The following WNK2 variants were observed in gnomAD, a reference collection of about 807,000 sequenced individuals.
WNK2 encodes the protein WNK lysine deficient protein kinase 2.
Under a neutral mutation model 192.1 loss-of-function variants are expected in WNK2, and 67 were observed. That is an observed-to-expected ratio of 0.35 (90% CI 0.29 to 0.43). WNK2 has a LOEUF of 0.43. Among genes scored for constraint, WNK2 ranks in the 20% least tolerant of loss-of-function variants. The probability of loss-of-function intolerance (pLI) is 1.00; values close to 1 mark genes in which losing one functional copy is unlikely to be tolerated. For synonymous variants in WNK2, 1,439 were observed against 1,393.9 expected, an observed-to-expected ratio of 1.03 and a Z score of -0.72; for missense variants, 2,698 against 3,089.7, an observed-to-expected ratio of 0.87 and a Z score of 3.01.
At chr9:93,260,815 C>T (rs1396314581) in intron 12 of WNK2, among the ~76,000 whole-genome samples, 2 of 152,198 alleles carry the variant, frequency 1.3e-5, no homozygotes, top group Non-Finnish European at 2.9e-5. Context: ...AGCTCAGAGC[C>T]CGCTGGTTTG....
At chr9:93,220,371 G>A (rs1032684793) in intron 2 of WNK2, among the ~76,000 whole-genome samples, 9 of 152,184 alleles carry the variant, frequency 5.9e-5, no homozygotes, top group African/African-American at 2.2e-4. Context: ...GGACATGGTA[G>A]GAAGGGGCCG....
At chr9:93,310,969 T>A (rs983195274) in intron 28 of WNK2, among the ~76,000 whole-genome samples, 10 of 152,110 alleles carry the variant, frequency 6.6e-5, no homozygotes, top group African/African-American at 2.4e-4. Flanking sequence ...GTCTCAAAAA[T>A]AAATAAATTC....
intron 2 of WNK2, among the ~76,000 whole-genome samples, chr9:93,215,071 G>A (rs556821143): frequency 6.6e-6 from 1 of 151,378 alleles, no homozygotes; most frequent in Non-Finnish European, 1.5e-5. Context: ...TGTAGAGATG[G>A]GGTCTCACTA....
In WNK2 at chr9:93,300,057, C is replaced by A; in HGVS notation, c.6122C>A (p.Thr2041Lys). The A allele has an allele frequency of 2.5e-6, 4 of 1,613,074 alleles. No individual in the cohort carries two copies. Among genetic ancestry groups the A allele is most frequent in the Non-Finnish European group, 3.4e-6 (4 of 1,179,584 alleles). The change falls in exon 26 of 30, where the codon ACG becomes AAG. Residue 2041 changes from threonine to lysine, a missense_variant. Coordinates refer to ENST00000427277, the MANE Select transcript of WNK2 (RefSeq NM_006648.4). Reference protein sequence around the residue: ...DGGGARGQGWTVYHPTSERVT... With the variant: ...DGGGARGQGWKVYHPTSERVT... Reference sequence around the variant, plus strand: ...CCTTTATATTCATTTGCAGGCTGGACGGTTTACCACCCAACGTCTGAGAGA... The same window carrying A: ...CCTTTATATTCATTTGCAGGCTGGAAGGTTTACCACCCAACGTCTGAGAGA...
chr9:93,318,849 C>T, intron 29 of WNK2: 1 of 1,400,186 alleles, frequency 7.1e-7, no homozygotes, highest in South Asian at 1.7e-5. Flanking sequence ...AGGCCCCAGC[C>T]TCCTCCACCT....
intron 19 of WNK2, among the ~76,000 whole-genome samples, chr9:93,280,375 C>T (rs936320554): frequency 2.6e-5 from 4 of 152,100 alleles, no homozygotes; most frequent in Admixed American, 6.5e-5. Context: ...CATGTGTTGG[C>T]GAGGCCATGG....
chr9:93,191,802 A>T (rs970685191), intron 2 of WNK2, among the ~76,000 whole-genome samples: 2 of 151,792 alleles, frequency 1.3e-5, no homozygotes, highest in Non-Finnish European at 2.9e-5. Flanking sequence ...AGACGGGTGG[A>T]TCATTTGAGG....
intron 16 of WNK2, among the ~76,000 whole-genome samples, chr9:93,265,562 C>T (rs528478800): frequency 2.6e-5 from 4 of 152,380 alleles, no homozygotes; most frequent in South Asian, 2.1e-4. Flanking sequence ...AACACCAGGT[C>T]CTCACTGGGC....
chr9:93,276,247 G>A (rs1280343286), intron 19 of WNK2, among the ~76,000 whole-genome samples: 1 of 152,140 alleles, frequency 6.6e-6, no homozygotes, highest in Non-Finnish European at 1.5e-5. Flanking sequence ...AAAGGGATTG[G>A]TACACACATC....
intron 6 of WNK2, among the ~76,000 whole-genome samples, chr9:93,238,825 C>T (rs1206123977): frequency 1.3e-5 from 2 of 152,150 alleles, no homozygotes; most frequent in South Asian, 2.1e-4. Flanking sequence ...TCCACAAAGC[C>T]GGCTCCCCAC....
At chr9:93,211,727 T>G (rs914356120) in intron 2 of WNK2, among the ~76,000 whole-genome samples, 1 of 151,966 alleles carries the variant, frequency 6.6e-6, no homozygotes, top group African/African-American at 2.4e-5. Context: ...ACTCATTCAC[T>G]TACTCATCCA....
At chr9:93,256,805 T>C (rs925193350) in intron 10 of WNK2, 143 bp from the exon 11 acceptor site, 86 of 778,052 alleles carry the variant, frequency 1.1e-4, no homozygotes, top group Non-Finnish European at 1.6e-4. Context: ...ACTGTGCAAG[T>C]GTGTGTGTGC....
rs755973305 is a variant in WNK2 at position 93,257,002 on chromosome 9, G to A, written c.2245G>A (p.Val749Met). Residue 749 changes from valine to methionine, a missense_variant, in exon 11 of 30, where the codon GTG becomes ATG. Physicochemically the swap from Val to Met is conservative, Grantham distance 21. Coordinates refer to ENST00000427277, the MANE Select transcript of WNK2 (RefSeq NM_006648.4). The surrounding 1 kb of genome is among the most constrained non-coding windows in gnomAD (Gnocchi z 4.7). The part of the protein sequence containing the change: ...PLPQVLAPQP[V>M]VPLQPVPPHL... ...GCCGCAGGTCCTGGCCCCACAGCCC[G>A]TGGTCCCCCTCCAGCCGGTTCCCCC... 3.1e-6 allele frequency: 5 copies of A among 1,599,832 alleles called. No homozygotes were observed. The highest frequency in any genetic ancestry group is 2.2e-5 in the South Asian group (2 of 89,880).
intron 7 of WNK2, among the ~76,000 whole-genome samples, chr9:93,246,334 C>T (rs1479394331): frequency 6.6e-6 from 1 of 152,190 alleles, no homozygotes; most frequent in Admixed American, 6.6e-5. Flanking sequence ...GCATTCCTGT[C>T]CTGGCCGAGC....
chr9:93,284,057 G>A (rs1848097576), intron 19 of WNK2, among the ~76,000 whole-genome samples: 1 of 152,226 alleles, frequency 6.6e-6, no homozygotes, highest in African/African-American at 2.4e-5. Context: ...ATCTCAGTGA[G>A]TGTCAACACA....
chr9:93,265,244 C>T lies in WNK2; in HGVS notation c.3696+1211C>T, dbSNP rs558240915. On this transcript the variant is annotated intron_variant, in intron 16 of 29. Coordinates refer to ENST00000427277, the MANE Select transcript of WNK2 (RefSeq NM_006648.4). ...AGCAGAGACCACAGGGGATTGGTAG[C>T]AGAGGAGCAGTGTGGTGATGGGTGG... Among the ~76,000 whole-genome samples, 6 of 152,326 alleles carry T rather than the reference C, an allele frequency of 3.9e-5. No homozygotes were observed. In the East Asian group the frequency reaches 1.2e-3, roughly 29 times the overall value.
At chr9:93,265,953 T>C (rs1182322966) in intron 16 of WNK2, among the ~76,000 whole-genome samples, 1 of 152,384 alleles carries the variant, frequency 6.6e-6, no homozygotes, top group Non-Finnish European at 1.5e-5. Context: ...GCCTTGTTTT[T>C]TTCACTCAGC....
In WNK2 at chr9:93,317,628, C is replaced by T. The variant is rs758837965; in HGVS notation, c.6625C>T (p.Pro2209Ser). The T allele has an allele frequency of 2.5e-6, 4 of 1,612,762 alleles. No homozygotes were observed. Among genetic ancestry groups the T allele is most frequent in the South Asian group, 1.1e-5 (1 of 91,044 alleles). ...CGCCCCGACCCTGTCCGTGCCCACA[C>T]CAGGTACTGCCCTCTCCAACCTCCC... ...GAAPTLSVPT[P>S]DPESEKPD The change falls in exon 29 of 30, where the codon CCA becomes TCA. Residue 2209 changes from proline (P) to serine (S), a missense_variant. Physicochemically the swap from Pro to Ser is moderately conservative, Grantham distance 74. This residue lies in a region of WNK2 where 167 missense variants were observed against 184.2 expected (regional missense o/e 0.91). Coordinates refer to ENST00000427277, the MANE Select transcript of WNK2 (RefSeq NM_006648.4).
chr9:93,194,778 A>G (rs541744592), intron 2 of WNK2, among the ~76,000 whole-genome samples: 284 of 152,356 alleles, frequency 1.9e-3, no homozygotes, highest in Non-Finnish European at 3.2e-3. Context: ...AGCTTTATTC[A>G]TAATTGCCAG....
Sources: allele counts gnomAD v4.1 joint callset (sites outside exome capture counted in the v4.1 genomes callset), GRCh38; gene constraint gnomAD v4.1.1; regional missense constraint gnomAD v4.1.1; non-coding constraint Gnocchi (gnomAD v3.1); transcripts MANE v1.5; gene names NCBI Gene and HGNC (gene_info 2026-07-23, HGNC 2026-07-21).